Variants in CEMIP observed in about 807,000 individuals in gnomAD.
The protein encoded by CEMIP is cell migration-inducing and hyaluronan-binding protein.
CEMIP carries 105 observed loss-of-function variants against 156.9 expected under a neutral mutation model. The observed-to-expected ratio is 0.67, with a 90% confidence interval of 0.57 to 0.79. The LOEUF is 0.79. Among genes scored for constraint, CEMIP ranks in the 30% least tolerant of loss-of-function variants. CEMIP has a pLI of 0.00. For missense variants in CEMIP, 1,457 were observed against 1,769.4 expected (o/e 0.82, Z 3.17); for synonymous variants, 676 against 668.4 (o/e 1.01, Z -0.17).
intron 1 of CEMIP, among the ~76,000 whole-genome samples, chr15:80,851,438 G>A (rs1897713631): frequency 1.3e-5 from 2 of 152,156 alleles, no homozygotes; most frequent in Admixed American, 1.3e-4. Context: ...AGATAGAAAA[G>A]GGAAGAAAAT....
At chr15:80,859,777 T>C (rs1897940109) in intron 1 of CEMIP, among the ~76,000 whole-genome samples, 1 of 152,182 alleles carries the variant, frequency 6.6e-6, no homozygotes, top group African/African-American at 2.4e-5. Flanking sequence ...ATTGGGATAG[T>C]GGAGGGAAAA....
At chr15:80,804,411 C>A (rs1296068558) in intron 1 of CEMIP, among the ~76,000 whole-genome samples, 1 of 152,224 alleles carries the variant, frequency 6.6e-6, no homozygotes, top group Non-Finnish European at 1.5e-5. Flanking sequence ...GTGGAAAGAG[C>A]TCTGGACTAA....
intron 12 of CEMIP, chr15:80,901,074 T>G (rs1440541047): frequency 2.4e-6 from 1 of 414,054 alleles, no homozygotes; most frequent in African/African-American, 2.1e-5. Flanking sequence ...CCTCACAGTG[T>G]GGCAGTTGGA....
At position 80,879,572 on chromosome 15, in the gene CEMIP, A is replaced by G. The variant is rs77041747; in HGVS notation, c.242-144A>G. On this transcript the variant is annotated intron_variant, in intron 4 of 29. Transcript: ENST00000394685. The stretch of plus-strand genomic sequence containing the variant: ...GAGGGATGACTTTACTTGTAAGTAC[A>G]CCAAGCATAGGAATGTTTGGAAGAT... The G allele has an allele frequency of 4.4e-3, 4,231 of 952,960 alleles. 116 individuals are homozygous for G. In the African/African-American group the frequency reaches 0.059, roughly 13 times the overall value. The allele number at this position is 952,960 out of a possible 1,614,324, so 59.0% of individuals were successfully genotyped here. A position where few individuals can be genotyped will look rare whatever the true frequency, so the allele number is the denominator to read the frequency against.
chr15:80,832,012 C>T (rs1246758273), intron 1 of CEMIP, among the ~76,000 whole-genome samples: 3 of 152,194 alleles, frequency 2.0e-5, no homozygotes, highest in African/African-American at 7.2e-5. Flanking sequence ...CATCTTTTGT[C>T]ATTCAAATGG....
intron 12 of CEMIP, among the ~76,000 whole-genome samples, chr15:80,899,838 A>G (rs1370730831): frequency 6.6e-6 from 1 of 152,218 alleles, no homozygotes; most frequent in Non-Finnish European, 1.5e-5. Context: ...CTGAATGACT[A>G]TGTGTCACCC....
chr15:80,900,585 G>GGTGTGT (rs57724852), intron 12 of CEMIP, among the ~76,000 whole-genome samples: 2,819 of 74,872 alleles, frequency 0.038, 218 homozygotes, highest in African/African-American at 0.044. Context: ...CCCAGGTAGG[G>GGTGTGT]GTGTGTGTGT....
intron 6 of CEMIP, among the ~76,000 whole-genome samples, chr15:80,881,988 C>T (rs1225189422): frequency 6.6e-6 from 1 of 152,156 alleles, no homozygotes; most frequent in African/African-American, 2.4e-5. Flanking sequence ...CCCAGGAGCT[C>T]TCATCCTGGC....
chr15:80,948,683 G>A (rs1210537879), intron 29 of CEMIP, 114 bp from the exon 30 acceptor site: 5 of 1,382,992 alleles, frequency 3.6e-6, no homozygotes, highest in Non-Finnish European at 5.1e-6. Flanking sequence ...AGTGCAGTGT[G>A]GCTAGGCGGT....
intron 1 of CEMIP, among the ~76,000 whole-genome samples, chr15:80,827,087 C>A (rs139809511): frequency 4.2e-4 from 64 of 152,334 alleles, no homozygotes; most frequent in African/African-American, 1.5e-3. Flanking sequence ...CAACCTGCTT[C>A]TTTATCCATT....
At position 80,929,578 on chromosome 15, in the gene CEMIP, G is replaced by A. The variant is rs1900826460; in HGVS notation, c.2612+404G>A. On this transcript the variant is annotated intron_variant, in intron 21 of 29. Coordinates refer to ENST00000394685, the MANE Select transcript of CEMIP (RefSeq NM_001293298.2). ...CACTTAAAGGAGAATAACCAGGAGGGTGACAAAAGCCGAAGCTATGTCACA... is the reference window on the plus strand; with the variant it reads ...CACTTAAAGGAGAATAACCAGGAGGATGACAAAAGCCGAAGCTATGTCACA... Among the ~76,000 whole-genome samples the A allele has an allele frequency of 2.0e-5, 3 of 152,248 alleles. No homozygotes were observed. In the South Asian group the frequency reaches 6.2e-4, roughly 32 times the overall value.
chr15:80,895,034 CA>C lies in CEMIP; in HGVS notation c.1137del (p.Gly380AlafsTer28). ...GVNLSTEVVYKKGQDYRFACY... is the reference protein window; with the variant it reads ...GVNLSTEVVYXKGQDYRFACY... ...TTAACCTCAGCACCGAGGTTGTCTA[CA>C]AAAAAGGCCAGGATTATAGGTTTGC... On this transcript the variant is annotated frameshift_variant, in exon 11 of 30. Coordinates refer to ENST00000394685, the MANE Select transcript of CEMIP (RefSeq NM_001293298.2). LOFTEE classifies it high-confidence loss of function. The C allele has an allele frequency of 1.2e-6, 2 of 1,614,116 alleles. No individual in the cohort carries two copies. Among genetic ancestry groups the C allele is most frequent in the South Asian group, 1.1e-5 (1 of 91,084 alleles).
chr15:80,949,017 G>T lies in CEMIP; in HGVS notation c.*93G>T. ...GGGATGGCTGGGTCCCCCAGCCCCTGCCAGCAGCTGCCTGGGAAGGCCGTG... is the reference window on the plus strand; with the variant it reads ...GGGATGGCTGGGTCCCCCAGCCCCTTCCAGCAGCTGCCTGGGAAGGCCGTG... On this transcript the variant is annotated 3_prime_UTR_variant, in exon 30 of 30. Transcript: ENST00000394685. The T allele has an allele frequency of 6.5e-7, 1 of 1,527,730 alleles. No individual in the cohort carries two copies. Among genetic ancestry groups the T allele is most frequent in the Non-Finnish European group, 9.0e-7 (1 of 1,106,204 alleles). The allele number at this position is 1,527,730 out of a possible 1,614,324, so 94.6% of individuals were successfully genotyped here. A position where few individuals can be genotyped will look rare whatever the true frequency, so the allele number is the denominator to read the frequency against.
At chr15:80,807,826 G>T (rs1437665775) in intron 1 of CEMIP, among the ~76,000 whole-genome samples, 2 of 152,228 alleles carry the variant, frequency 1.3e-5, no homozygotes, top group Non-Finnish European at 2.9e-5. Flanking sequence ...TCTGTTTGTA[G>T]TAGGGGTAGT....
At chr15:80,901,372 G>C (rs1899533859) in intron 12 of CEMIP, among the ~76,000 whole-genome samples, 1 of 152,072 alleles carries the variant, frequency 6.6e-6, no homozygotes, top group Non-Finnish European at 1.5e-5. Context: ...GCCACATGTG[G>C]CTACTTAAGT....
intron 1 of CEMIP, among the ~76,000 whole-genome samples, chr15:80,782,188 T>C (rs1354735038): frequency 6.6e-6 from 1 of 152,202 alleles, no homozygotes; most frequent in East Asian, 1.9e-4. Flanking sequence ...TCCTGATTGT[T>C]CTCTCACAAG....
At chr15:80,901,664 T>C (rs1026957830) in intron 12 of CEMIP, among the ~76,000 whole-genome samples, 13 of 150,568 alleles carry the variant, frequency 8.6e-5, no homozygotes, top group African/African-American at 2.9e-4. Context: ...ATCGCACCAT[T>C]GCACTCCAGC....
chr15:80,783,974 C>T (rs1029035438), intron 1 of CEMIP, among the ~76,000 whole-genome samples: 7 of 152,208 alleles, frequency 4.6e-5, no homozygotes, highest in African/African-American at 1.4e-4. Context: ...CTCAGCTTGG[C>T]TCCAGGAATC....
intron 1 of CEMIP, among the ~76,000 whole-genome samples, chr15:80,785,764 A>G (rs546359914): frequency 2.4e-4 from 36 of 152,288 alleles, no homozygotes; most frequent in African/African-American, 8.2e-4. Flanking sequence ...TAAACCCCTT[A>G]CTTCCTGCAA....
Sources: allele counts gnomAD v4.1 joint callset (sites outside exome capture counted in the v4.1 genomes callset), GRCh38; gene constraint gnomAD v4.1.1; transcripts MANE v1.5; gene names NCBI Gene and HGNC (gene_info 2026-07-23, HGNC 2026-07-21).